Variants in PTGES3 observed in about 807,000 individuals in gnomAD.
PTGES3 encodes the protein prostaglandin E synthase 3.
In PTGES3, 5 loss-of-function variants were observed where a neutral mutation model predicts 29.9. The observed-to-expected ratio is 0.17, with a 90% CI of 0.09 to 0.35. PTGES3 has a LOEUF of 0.35. Ranked by LOEUF, PTGES3 falls within the 10% of genes least tolerant of loss-of-function variation. The pLI is 1.00. For missense variants in PTGES3, 128 were observed against 190.0 expected (o/e 0.67, Z 1.92); for synonymous variants, 49 against 57.8 (o/e 0.85, Z 0.69).
intron 1 of PTGES3, among the ~76,000 whole-genome samples, chr12:56,683,052 T>C (rs529182718): frequency 1.6e-4 from 25 of 152,014 alleles, no homozygotes; most frequent in African/African-American, 5.5e-4. Context: ...AGCCTCATTC[T>C]AGAATCTATC....
chr12:56,686,812 T>G, intron 1 of PTGES3: 1 of 398,406 alleles, frequency 2.5e-6, no homozygotes, highest in Non-Finnish European at 4.4e-6. Flanking sequence ...CCTTTAGATT[T>G]CTAGCCAATA....
At chr12:56,685,062 C>T (rs1236114845) in intron 1 of PTGES3, among the ~76,000 whole-genome samples, 1 of 151,978 alleles carries the variant, frequency 6.6e-6, no homozygotes, top group Non-Finnish European at 1.5e-5. Flanking sequence ...GTAGAGGTTG[C>T]AGCTGCACTC....
chr12:56,684,694 A>G (rs975404162), intron 1 of PTGES3, among the ~76,000 whole-genome samples: 1 of 152,338 alleles, frequency 6.6e-6, no homozygotes, highest in African/African-American at 2.4e-5. Flanking sequence ...ACAATGATTC[A>G]AAAAGAAAAT....
intron 1 of PTGES3, among the ~76,000 whole-genome samples, chr12:56,682,181 G>A (rs1236484943): frequency 6.6e-6 from 1 of 152,148 alleles, no homozygotes; most frequent in Admixed American, 6.5e-5. Flanking sequence ...GTGGCTTCAT[G>A]TGAATGAGCA....
rs915289293 is a variant in PTGES3, at chr12:56,664,120, A to G, written c.*359T>C. 5.7e-6 allele frequency: 1 copy of G among 175,232 alleles called. No homozygotes were observed. The highest frequency in any genetic ancestry group is 1.2e-5 in the Non-Finnish European group (1 of 82,760). 10.9% of individuals were successfully genotyped at this position (175,232 alleles called of 1,614,324 possible). A position where few individuals can be genotyped will look rare whatever the true frequency, so the allele number is the denominator to read the frequency against. On this transcript the variant is annotated 3_prime_UTR_variant, in exon 8 of 8. Transcript: ENST00000262033. ...ATCTAAAATTTATTCTCTTTCCCTAAGCTGAGAGCTTCCTATCATGTCAGT... is the reference window on the plus strand; with the variant it reads ...ATCTAAAATTTATTCTCTTTCCCTAGGCTGAGAGCTTCCTATCATGTCAGT...
chr12:56,673,485 GA>G lies in PTGES3; in HGVS notation c.3-421del, dbSNP rs1164653881. Among the ~76,000 whole-genome samples the G allele has an allele frequency of 7.7e-3, 481 of 62,848 alleles. 6 individuals carry two copies. Among genetic ancestry groups the G allele is most frequent in the African/African-American group, 0.034 (335 of 9,918 alleles). 41.2% of individuals were successfully genotyped at this position (62,848 alleles called of 152,430 possible). ...CGACTCTACTACAAATACAAATACG[GA>G]AAAAAAAAAAAAAAAAAAAAAAAAA... On this transcript the variant is annotated intron_variant, in intron 1 of 7. Transcript: ENST00000262033.
At chr12:56,675,027 A>AAAAAAAG (rs71081385) in intron 1 of PTGES3, among the ~76,000 whole-genome samples, 1 of 144,266 alleles carries the variant, frequency 6.9e-6, no homozygotes, top group African/African-American at 2.6e-5. Context: ...AAAAAAAAAA[A>AAAAAAAG]GTGCTGGTTC....
intron 1 of PTGES3, among the ~76,000 whole-genome samples, chr12:56,684,988 G>C (rs1294765643): frequency 3.3e-5 from 5 of 152,132 alleles, no homozygotes; most frequent in Non-Finnish European, 5.9e-5. Context: ...AGGCATGGTG[G>C]TGCTTGCCTG....
chr12:56,666,230 A>G lies in PTGES3; in HGVS notation c.412T>C (p.Leu138=). The G allele has an allele frequency of 6.2e-7, 1 of 1,611,362 alleles. No individual in the cohort carries two copies. The highest frequency in any genetic ancestry group is 8.5e-7 in the Non-Finnish European group (1 of 1,178,664). ...NNMGGDEDVD[L]PEVDGADDDS... is the part of the protein sequence containing the mutation. ...TCATCTGCTCCATCTACTTCTGGTAAATCTACATCCTCATCACCACCCATG... is the reference window on the plus strand; with the variant it reads ...TCATCTGCTCCATCTACTTCTGGTAGATCTACATCCTCATCACCACCCATG... Residue 138 remains leucine, a synonymous_variant, in exon 6 of 8, where the codon TTA becomes CTA. Transcript: ENST00000262033.
chr12:56,685,829 T>C (rs1952818532), intron 1 of PTGES3, among the ~76,000 whole-genome samples: 1 of 128,578 alleles, frequency 7.8e-6, no homozygotes, highest in Admixed American at 9.7e-5. Flanking sequence ...CAGGCTGGAG[T>C]ACAACGGCGC....
chr12:56,686,852 A>C (rs1430602174), intron 1 of PTGES3: 1 of 393,228 alleles, frequency 2.5e-6, no homozygotes, highest in Non-Finnish European at 4.5e-6. Flanking sequence ...GACTTGAATC[A>C]AGCAAATCCT....
intron 1 of PTGES3, among the ~76,000 whole-genome samples, chr12:56,674,730 A>G (rs7972420): frequency 0.7 from 104,180 of 149,160 alleles, 36,514 homozygotes; most frequent in South Asian, 0.79. Context: ...GGAGGCTGAG[A>G]CAGGAGAATG....
Position 56,687,509 on chromosome 12 carries a change from G to A in PTGES3, c.2+489C>T. ...TGCCTAGCAGTACCTGCAGCTCACG[G>A]CGAGGTCCGCGTGGGGCTCTCCCAG... is the stretch of plus-strand genomic sequence containing the variant. On this transcript the variant is annotated intron_variant, in intron 1 of 7. Transcript: ENST00000262033. 1.4e-5 allele frequency: 14 copies of A among 998,356 alleles called. No homozygotes were observed. In the South Asian group the frequency reaches 3.9e-4, roughly 28 times the overall value. 61.8% of individuals were successfully genotyped at this position (998,356 alleles called of 1,614,324 possible).
chr12:56,674,825 C>CAAAAAAAAAAAAAAAAAAAAAAA lies in PTGES3; in HGVS notation c.3-1783_3-1761dup, dbSNP rs869222252. ...TGGGCAACAGAGCAAGACTCCATCTCAAAAAAAAAAAAAAAAAAAAAAAAA... is the reference window on the plus strand; with the variant it reads ...TGGGCAACAGAGCAAGACTCCATCTCAAAAAAAAAAAAAAAAAAAAAAAAAAAAAAAAAAAAAAAAAAAAAAAA... On this transcript the variant is annotated intron_variant, in intron 1 of 7. Coordinates refer to ENST00000262033, the MANE Select transcript of PTGES3 (RefSeq NM_006601.7). 1.9e-4 allele frequency among the ~76,000 whole-genome samples: 3 copies of CAAAAAAAAAAAAAAAAAAAAAAA among 16,110 alleles called. 1 individual carries two copies. The highest frequency in any genetic ancestry group is 5.7e-3 in the South Asian group (1 of 174). 10.6% of individuals were successfully genotyped at this position (16,110 alleles called of 152,430 possible).
At chr12:56,677,633 T>A (rs1468512325) in intron 1 of PTGES3, among the ~76,000 whole-genome samples, 1 of 152,126 alleles carries the variant, frequency 6.6e-6, no homozygotes, top group East Asian at 1.9e-4. Flanking sequence ...ATGACTTCTA[T>A]CATCTCACTC....
chr12:56,673,367 C>T (rs938644579), intron 1 of PTGES3, among the ~76,000 whole-genome samples: 1 of 151,480 alleles, frequency 6.6e-6, no homozygotes, highest in African/African-American at 2.4e-5. Flanking sequence ...CAGTGGCTCA[C>T]ACCTGTAATC....
At chr12:56,683,473 C>CA (rs71081388) in intron 1 of PTGES3, among the ~76,000 whole-genome samples, 999 of 29,722 alleles carry the variant, frequency 0.034, 140 homozygotes, top group African/African-American at 0.056. Flanking sequence ...AACTCTGTCT[C>CA]AAAAAAAAAA....
At chr12:56,676,145 G>GGAGGTGGAGGTGGAGGTGGAGGT (rs1365212616) in intron 1 of PTGES3, among the ~76,000 whole-genome samples, 4 of 138,406 alleles carry the variant, frequency 2.9e-5, no homozygotes, top group African/African-American at 1.1e-4. Flanking sequence ...GAGGGGGAGG[G>GGAGGTGGAGGTGGAGGTGGAGGT]GGAGGTGGAG....
At position 56,671,808 on chromosome 12, in the gene PTGES3, A is replaced by G. The variant is rs1276311653; in HGVS notation, c.226T>C (p.Cys76Arg). The G allele has an allele frequency of 2.5e-6, 4 of 1,578,278 alleles. No individual in the cohort carries two copies. The highest frequency in any genetic ancestry group is 1.2e-5 in the South Asian group (1 of 84,852). ...TGGCCAGATTCTCCTTTTCGTAAAC[A>G]ACATAAAATTGATCTGTCCGTTCTT... Reference protein sequence around the residue: ...HKRTDRSILCCLRKGESGQSW... With the variant: ...HKRTDRSILCRLRKGESGQSW... The change falls in exon 4 of 8, where the codon TGT (cysteine) becomes CGT (arginine). Residue 76 changes from cysteine to arginine, a missense_variant. Transcript: ENST00000262033.
Sources: gnomAD v4.1 joint callset for allele counts (sites outside exome capture counted in the v4.1 genomes callset) on GRCh38, gnomAD v4.1.1 for gene constraint, MANE v1.5 for transcripts, NCBI Gene and HGNC (gene_info 2026-07-23, HGNC 2026-07-21) for gene names.